Variants in PCDHGA9 observed in about 807,000 individuals in gnomAD.
PCDHGA9 encodes protocadherin gamma subfamily A, 9.
A neutral mutation model predicts 62.5 loss-of-function variants in PCDHGA9; 37 were observed. The observed-to-expected ratio is 0.59, with a 90% confidence interval of 0.46 to 0.78. The LOEUF (loss-of-function observed/expected upper bound fraction) is 0.78. Among genes scored for constraint, PCDHGA9 ranks in the 30% least tolerant of loss-of-function variants. The pLI, the probability that PCDHGA9 is intolerant of heterozygous loss-of-function variation, is 0.00. For missense variants in PCDHGA9, 1,138 were observed against 1,166.2 expected (o/e 0.98, Z 0.35); for synonymous variants, 459 against 484.6 (o/e 0.95, Z 0.69).
At chr5:141,413,462 G>A (rs750915907) in intron 1 of PCDHGA9, 4 of 1,614,120 alleles carry the variant, frequency 2.5e-6, no homozygotes, top group East Asian at 2.2e-5. Flanking sequence ...AGGATAGACC[G>A]GGAGGAGCTC....
In PCDHGA9 at chr5:141,490,363, C is replaced by T. The variant is rs779932482; in HGVS notation, c.2425-4444C>T. 10 of 1,614,036 alleles carry T rather than the reference C, an allele frequency of 6.2e-6. No individual in the cohort carries two copies. The highest frequency in any genetic ancestry group is 1.3e-5 in the African/African-American group (1 of 74,904). The stretch of plus-strand genomic sequence containing the variant: ...CACAGTAGTGGGGTTGTTTAATGTG[C>T]GAGACCGGGACTCAGGTAGAAATGG... On this transcript the variant is annotated intron_variant, in intron 1 of 3. Coordinates refer to ENST00000573521, the MANE Select transcript of PCDHGA9 (RefSeq NM_018921.3). The surrounding 1 kb of genome is among the most constrained non-coding windows in gnomAD (Gnocchi z 5.4).
At position 141,490,982 on chromosome 5, in the gene PCDHGA9, G is replaced by T; in HGVS notation, c.2425-3825G>T. ...CACTCAGCCCCCCAGCGTCTCCCTC[G>T]CTCTGCTCCTCCTGGCTCCTTGGTC... On this transcript the variant is annotated intron_variant, in intron 1 of 3. Coordinates refer to ENST00000573521, the MANE Select transcript of PCDHGA9 (RefSeq NM_018921.3). This position sits in a 1 kb window ranked among gnomAD's most constrained non-coding sequence, Gnocchi z 5.4. 1.2e-6 allele frequency: 2 copies of T among 1,613,994 alleles called. No individual in the cohort carries two copies. The highest frequency in any genetic ancestry group is 1.7e-6 in the Non-Finnish European group (2 of 1,180,002).
Position 141,486,445 on chromosome 5 carries a change from G to A in PCDHGA9, c.2425-8362G>A. On this transcript the variant is annotated intron_variant, in intron 1 of 3. Coordinates refer to ENST00000573521, the MANE Select transcript of PCDHGA9 (RefSeq NM_018921.3). The surrounding 1 kb of genome is among the most constrained non-coding windows in gnomAD (Gnocchi z 5.0). ...AGGCCAAATCTAGCTATGACATCAT[G>A]GTCACTGCTTCTGATGCTGGGAACC... 6.2e-7 allele frequency: 1 copy of A among 1,613,948 alleles called. No homozygotes were observed. The highest frequency in any genetic ancestry group is 8.5e-7 in the Non-Finnish European group (1 of 1,179,862).
rs561499055 is a variant in PCDHGA9 at position 141,423,745 on chromosome 5, C to G, written c.2424+18369C>G. 10 of 605,688 alleles carry G rather than the reference C, an allele frequency of 1.7e-5. No individual in the cohort carries two copies. The East Asian group carries it at 3.1e-4, about 19-fold the overall frequency. The allele number at this position is 605,688 out of a possible 1,614,324, so 37.5% of individuals were successfully genotyped here. A position where few individuals can be genotyped will look rare whatever the true frequency, so the allele number is the denominator to read the frequency against. The stretch of plus-strand genomic sequence containing the variant: ...ATGTTTTTTGAGCCTGTTATGAAAA[C>G]TGTTTGGGGGGGGGGTGGGGCGGCA... On this transcript the variant is annotated intron_variant, in intron 1 of 3. Coordinates refer to ENST00000573521, the MANE Select transcript of PCDHGA9 (RefSeq NM_018921.3).
intron 1 of PCDHGA9, chr5:141,427,971 C>A (rs764145525): frequency 1.3e-6 from 2 of 1,593,630 alleles, no homozygotes; most frequent in Non-Finnish European, 1.7e-6. Flanking sequence ...GGTGCTGTAC[C>A]CCGCGCTGGG....
chr5:141,449,562 C>T (rs1374591292), intron 1 of PCDHGA9, among the ~76,000 whole-genome samples: 1 of 143,862 alleles, frequency 7.0e-6, no homozygotes, highest in East Asian at 2.0e-4. Context: ...GCACTCCAGC[C>T]TGGGCGACAG....
chr5:141,455,448 C>T (rs1403500578), intron 1 of PCDHGA9, among the ~76,000 whole-genome samples: 1 of 152,112 alleles, frequency 6.6e-6, no homozygotes, highest in African/African-American at 2.4e-5. Context: ...CCATCTACCG[C>T]GGATACCAGC....
Position 141,487,522 on chromosome 5 carries a change from T to G in PCDHGA9, c.2425-7285T>G, listed in dbSNP as rs764726787. Reference sequence around the variant, plus strand: ...TGGCTTCTGCACCCACTCGGAGTGATAGCTTCATGATGGTGAAGTCACCCA... The same window carrying G: ...TGGCTTCTGCACCCACTCGGAGTGAGAGCTTCATGATGGTGAAGTCACCCA... On this transcript the variant is annotated intron_variant, in intron 1 of 3. Transcript: ENST00000573521. This position sits in a 1 kb window ranked among gnomAD's most constrained non-coding sequence, Gnocchi z 5.0. The G allele has an allele frequency of 6.2e-7, 1 of 1,614,166 alleles. No individual in the cohort carries two copies. The highest frequency in any genetic ancestry group is 8.5e-7 in the Non-Finnish European group (1 of 1,180,022).
intron 1 of PCDHGA9, among the ~76,000 whole-genome samples, chr5:141,480,115 G>A (rs1164458958): frequency 6.6e-6 from 1 of 152,110 alleles, no homozygotes; most frequent in African/African-American, 2.4e-5. Flanking sequence ...CATGGTGCCT[G>A]GCATATCATA....
intron 1 of PCDHGA9, among the ~76,000 whole-genome samples, chr5:141,438,674 A>C (rs894070572): frequency 1.9e-4 from 25 of 134,850 alleles, no homozygotes; most frequent in Non-Finnish European, 3.1e-4. Context: ...ATATATTTGG[A>C]GTAGGGGATG....
rs749415234 is a variant in PCDHGA9 at position 141,419,462 on chromosome 5, C to G, written c.2424+14086C>G. 9 of 1,612,582 alleles carry G rather than the reference C, an allele frequency of 5.6e-6. 1 individual carries two copies. The highest frequency in any genetic ancestry group is 1.7e-5 in the Admixed American group (1 of 59,984). On this transcript the variant is annotated intron_variant, in intron 1 of 3. Transcript: ENST00000573521. ...CACCTTCGAGCTCACGCTGCAGGCC[C>G]GCGACCAGGGCTCGCCCGCGCTCAG... is the stretch of plus-strand genomic sequence containing the variant.
intron 2 of PCDHGA9, among the ~76,000 whole-genome samples, chr5:141,499,326 C>T (rs1465474737): frequency 6.6e-6 from 1 of 152,156 alleles, no homozygotes. Context: ...TATCCCTGCT[C>T]TCTCTCAGTT....
chr5:141,423,070 C>G, intron 1 of PCDHGA9: 1 of 1,614,132 alleles, frequency 6.2e-7, no homozygotes, highest in Non-Finnish European at 8.5e-7. Flanking sequence ...GGCCAGCGAG[C>G]CGGGACTCTT....
chr5:141,469,404 G>A (rs1439441297), intron 1 of PCDHGA9, among the ~76,000 whole-genome samples: 7 of 151,874 alleles, frequency 4.6e-5, no homozygotes, highest in African/African-American at 1.5e-4. Flanking sequence ...GTGAAACCCC[G>A]TTTCTACTAA....
chr5:141,452,710 G>GAAGT (rs1343622540), intron 1 of PCDHGA9, among the ~76,000 whole-genome samples: 1 of 151,996 alleles, frequency 6.6e-6, no homozygotes, highest in Non-Finnish European at 1.5e-5. Flanking sequence ...AGAAAGGAAG[G>GAAGT]AATGAGGGAG....
chr5:141,436,735 T>G (rs2097843412), intron 1 of PCDHGA9, among the ~76,000 whole-genome samples: 1 of 152,220 alleles, frequency 6.6e-6, no homozygotes, highest in Non-Finnish European at 1.5e-5. Context: ...AATAATGATT[T>G]TTGTGTGCTT....
intron 1 of PCDHGA9, among the ~76,000 whole-genome samples, chr5:141,458,829 C>T (rs2098954599): frequency 6.6e-6 from 1 of 152,108 alleles, no homozygotes; most frequent in Non-Finnish European, 1.5e-5. Context: ...GCCTCCCAGG[C>T]TCAAGTGATC....
At chr5:141,505,347 T>C in intron 2 of PCDHGA9, 46 bp from the exon 3 acceptor site, 4 of 1,613,346 alleles carry the variant, frequency 2.5e-6, no homozygotes, top group Non-Finnish European at 2.5e-6. Context: ...GGGCATGAGC[T>C]GTGCCGGCCT....
chr5:141,470,911 G>A (rs1208467445), intron 1 of PCDHGA9, among the ~76,000 whole-genome samples: 1 of 151,916 alleles, frequency 6.6e-6, no homozygotes, highest in Non-Finnish European at 1.5e-5. Context: ...AGATGGGACT[G>A]TCCCTATGTT....
Sources: allele counts gnomAD v4.1 joint callset (sites outside exome capture counted in the v4.1 genomes callset), GRCh38; gene constraint gnomAD v4.1.1; non-coding constraint Gnocchi (gnomAD v3.1); transcripts MANE v1.5; gene names NCBI Gene and HGNC (gene_info 2026-07-23, HGNC 2026-07-21).